EVL: variants seen among roughly 807,000 people sequenced by gnomAD.
EVL encodes Enah/Vasp-like, also known as ena/VASP-like protein.
Under a neutral mutation model 59.6 loss-of-function variants are expected in EVL, and 21 were observed. The observed-to-expected ratio is 0.35, with a 90% CI of 0.25 to 0.51. The LOEUF (loss-of-function observed/expected upper bound fraction) is 0.51. Among genes scored for constraint, EVL ranks in the 20% least tolerant of loss-of-function variants. The pLI, the probability that EVL is intolerant of heterozygous loss-of-function variation, is 0.97. For missense variants in EVL, 462 were observed against 546.6 expected (o/e 0.85, Z 1.54); for synonymous variants, 198 against 203.5 (o/e 0.97, Z 0.23).
intron 1 of EVL, among the ~76,000 whole-genome samples, chr14:100,012,806 T>C (rs2061025170): frequency 6.6e-6 from 1 of 152,228 alleles, no homozygotes; most frequent in Non-Finnish European, 1.5e-5. Context: ...GAGAGCCACA[T>C]GAAACAATTG....
intron 1 of EVL, among the ~76,000 whole-genome samples, chr14:100,034,758 G>A (rs1304447044): frequency 1.3e-5 from 2 of 152,016 alleles, no homozygotes; most frequent in East Asian, 3.9e-4. Context: ...AAATGCGTAA[G>A]ATAAAAGAGT....
intron 1 of EVL, among the ~76,000 whole-genome samples, chr14:100,027,316 C>A (rs527865908): frequency 2.6e-5 from 4 of 152,180 alleles, no homozygotes; most frequent in African/African-American, 7.2e-5. Context: ...ACTCTTGTTG[C>A]CCTATTGTAC....
intron 1 of EVL, among the ~76,000 whole-genome samples, chr14:100,078,550 T>C (rs1595141736): frequency 3.4e-5 from 1 of 29,432 alleles, no homozygotes; most frequent in Non-Finnish European, 6.6e-5. Context: ...CAGGTTCCAA[T>C]GGGGGCTTGG....
chr14:99,997,434 T>G (rs2060921173), intron 1 of EVL, among the ~76,000 whole-genome samples: 1 of 152,234 alleles, frequency 6.6e-6, no homozygotes, highest in Non-Finnish European at 1.5e-5. Context: ...GTCACAAGAT[T>G]AAGGTGTCTT....
chr14:99,999,097 T>C (rs2060930988), intron 1 of EVL, among the ~76,000 whole-genome samples: 1 of 152,104 alleles, frequency 6.6e-6, no homozygotes, highest in African/African-American at 2.4e-5. Flanking sequence ...TCAACAGTAG[T>C]AATGTTCATG....
chr14:100,101,257 G>A (rs1886202436), intron 3 of EVL, among the ~76,000 whole-genome samples: 1 of 152,182 alleles, frequency 6.6e-6, no homozygotes, highest in African/African-American at 2.4e-5. Flanking sequence ...GGCCAAGGCA[G>A]GCAGATCACC....
At position 100,129,635 on chromosome 14, in the gene EVL, G is replaced by T; in HGVS notation, c.790G>T (p.Gly264Cys). 6.2e-7 allele frequency: 1 copy of T among 1,609,692 alleles called. No individual in the cohort carries two copies. The highest frequency in any genetic ancestry group is 8.5e-7 in the Non-Finnish European group (1 of 1,177,840). The change falls in exon 7 of 14, where the codon GGT (glycine) becomes TGT (cysteine). Residue 264 changes from glycine (G) to cysteine (C), a missense_variant. By Grantham distance (159) the Gly-to-Cys change is radical. Transcript: ENST00000392920. ...CGATGCCAACCGGGCAAGCAGCGGG[G>T]GTGGCGGAGGAGGCCTCATGGAGGA... ...KSDANRASSG[G>C]GGGGLMEEMN...
At chr14:100,069,179 G>A (rs1178134577) in intron 1 of EVL, among the ~76,000 whole-genome samples, 2 of 152,140 alleles carry the variant, frequency 1.3e-5, no homozygotes, top group East Asian at 3.8e-4. Context: ...TAACTACTTT[G>A]ATATATGGTC....
rs2061684928 is a variant in EVL at position 100,053,881 on chromosome 14, C to G, written c.6-30806C>G. On this transcript the variant is annotated intron_variant, in intron 1 of 13. Coordinates refer to the EVL transcript ENST00000402714. ...CCCAGGCTGGTCTCAAACTCCTGGG[C>G]TCAAGCAATCCTGCCTCAGCCTCCC... is the stretch of plus-strand genomic sequence containing the variant. 2.6e-5 allele frequency among the ~76,000 whole-genome samples: 4 copies of G among 152,104 alleles called. No individual in the cohort carries two copies. The South Asian group carries it at 8.3e-4, about 32-fold the overall frequency.
intron 1 of EVL, among the ~76,000 whole-genome samples, chr14:100,050,995 C>T (rs563355387): frequency 1.3e-5 from 2 of 152,150 alleles, no homozygotes; most frequent in African/African-American, 4.8e-5. Context: ...GATCCACCCG[C>T]CTCAGCCTCC....
At chr14:99,996,053 G>A (rs2060911132) in intron 1 of EVL, among the ~76,000 whole-genome samples, 1 of 152,056 alleles carries the variant, frequency 6.6e-6, no homozygotes, top group Admixed American at 6.6e-5. Flanking sequence ...TAAGAAACCA[G>A]TCCCTCAGGT....
chr14:100,041,265 A>G (rs1435793643), intron 1 of EVL, among the ~76,000 whole-genome samples: 1 of 152,208 alleles, frequency 6.6e-6, no homozygotes, highest in African/African-American at 2.4e-5. Flanking sequence ...TCCTAGGTGT[A>G]AGATTATGCT....
chr14:100,047,326 C>G (rs1052053569), intron 1 of EVL, among the ~76,000 whole-genome samples: 4 of 151,812 alleles, frequency 2.6e-5, no homozygotes, highest in Non-Finnish European at 5.9e-5. Flanking sequence ...TTTCCTGTAG[C>G]TTCCCCCTCT....
chr14:100,054,909 A>C (rs1380713502), intron 1 of EVL, among the ~76,000 whole-genome samples: 1 of 151,978 alleles, frequency 6.6e-6, no homozygotes, highest in African/African-American at 2.4e-5. Flanking sequence ...ACAACCACTA[A>C]TCTGTGTCCT....
intron 1 of EVL, among the ~76,000 whole-genome samples, chr14:100,014,894 A>G (rs1438555343): frequency 6.6e-6 from 1 of 152,218 alleles, no homozygotes; most frequent in Non-Finnish European, 1.5e-5. Flanking sequence ...AAGATCCTTG[A>G]TTGGGCCATG....
At chr14:100,043,790 T>A (rs2061505640) in intron 1 of EVL, among the ~76,000 whole-genome samples, 1 of 151,856 alleles carries the variant, frequency 6.6e-6, no homozygotes, top group Admixed American at 6.6e-5. Flanking sequence ...TTTTTAAATT[T>A]TTTTGTAAAG....
intron 1 of EVL, among the ~76,000 whole-genome samples, chr14:100,051,024 G>A (rs527912065): frequency 5.9e-5 from 9 of 152,184 alleles, no homozygotes; most frequent in African/African-American, 2.2e-4. Context: ...TGGGATTACA[G>A]GTGTGAACCA....
rs201350994 is a variant in EVL, at chr14:100,003,740, A to T, written c.5+31683A>T. On this transcript the variant is annotated intron_variant, in intron 1 of 13. Coordinates refer to the EVL transcript ENST00000402714. ...GGCCGATAACCTTAATTAAAAAAAA[A>T]TTTTTTTTAATCTCAGTTTTTTCCT... Among the ~76,000 whole-genome samples, 492 of 152,260 alleles carry T rather than the reference A, an allele frequency of 3.2e-3. 2 individuals carry two copies. The highest frequency in any genetic ancestry group is 1.0e-2 in the African/African-American group (414 of 41,538).
rs1464971448 is a variant in EVL at position 100,065,519 on chromosome 14, T to C, written c.11+8T>C. 1 of 1,514,002 alleles carries C rather than the reference T, an allele frequency of 6.6e-7. No individual in the cohort carries two copies. Among genetic ancestry groups the C allele is most frequent in the Admixed American group, 1.9e-5 (1 of 51,724 alleles). 93.8% of individuals were successfully genotyped at this position (1,514,002 alleles called of 1,614,324 possible). On this transcript the variant is annotated splice_region_variant and intron_variant, in intron 1 of 13. Coordinates refer to ENST00000392920, the MANE Select transcript of EVL (RefSeq NM_016337.3). The stretch of plus-strand genomic sequence containing the variant: ...TTCAGCCATGGCCACAAGGTGAGTA[T>C]TGGAACCAGTGCAGGGGACAGAGGG...
Sources: allele counts gnomAD v4.1 joint callset (sites outside exome capture counted in the v4.1 genomes callset), GRCh38; gene constraint gnomAD v4.1.1; transcripts MANE v1.5; gene names NCBI Gene and HGNC (gene_info 2026-07-23, HGNC 2026-07-21).